Variants in BCAS3 observed in about 807,000 individuals in gnomAD.
BCAS3 encodes BCAS3 microtubule associated cell migration factor.
In BCAS3, 53 loss-of-function variants were observed where a neutral mutation model predicts 116.1. The observed-to-expected ratio is 0.46, with a 90% CI of 0.37 to 0.57. The LOEUF is 0.57. Ranked by LOEUF, BCAS3 falls within the 20% of genes least tolerant of loss-of-function variation. The pLI is 0.00. For synonymous variants in BCAS3, 391 were observed against 408.2 expected (o/e 0.96, Z 0.51); for missense variants, 917 against 1,165.4 (o/e 0.79, Z 3.10).
At position 61,364,656 on chromosome 17, in the gene BCAS3, C is replaced by T. The variant is rs1212773004; in HGVS notation, c.2426-3671C>T. On this transcript the variant is annotated intron_variant, in intron 22 of 23. Transcript: ENST00000407086. This position sits in a 1 kb window ranked among gnomAD's most constrained non-coding sequence, Gnocchi z 5.4. The stretch of plus-strand genomic sequence containing the variant: ...CCAGGAGGCTGTGGCTGCAGTGAGC[C>T]GTGATTGCACCACTGCACTTTGGTC... Among the ~76,000 whole-genome samples, 4 of 152,110 alleles carry T rather than the reference C, an allele frequency of 2.6e-5. No homozygotes were observed. Among genetic ancestry groups the T allele is most frequent in the East Asian group, 3.9e-4 (2 of 5,188 alleles).
chr17:60,912,889 AT>A (rs1215699092), intron 12 of BCAS3, among the ~76,000 whole-genome samples: 2 of 152,040 alleles, frequency 1.3e-5, no homozygotes, highest in Non-Finnish European at 2.9e-5. Flanking sequence ...TGATGGAGAG[AT>A]TTGGGATTAT....
rs2058770674 is a variant in BCAS3 at position 61,366,958 on chromosome 17, G to A, written c.2426-1369G>A. On this transcript the variant is annotated intron_variant, in intron 22 of 23. Coordinates refer to ENST00000407086, the MANE Select transcript of BCAS3 (RefSeq NM_017679.5). The surrounding 1 kb of genome is among the most constrained non-coding windows in gnomAD (Gnocchi z 4.5). ...TTGCTGATGTATGGAGTCACCGGCT[G>A]TCGGAGTGTTTACTAACGGTTATCA... 1.3e-5 allele frequency among the ~76,000 whole-genome samples: 2 copies of A among 152,224 alleles called. No individual in the cohort carries two copies. Among genetic ancestry groups the A allele is most frequent in the Non-Finnish European group, 2.9e-5 (2 of 68,046 alleles).
chr17:60,864,744 C>T (rs1041635426), intron 7 of BCAS3, among the ~76,000 whole-genome samples: 3 of 152,098 alleles, frequency 2.0e-5, no homozygotes, highest in East Asian at 1.9e-4. Flanking sequence ...GCTTTCAGTA[C>T]GTCTTCCTTG....
In BCAS3 at chr17:61,171,161, G is replaced by T. The variant is rs368653550; in HGVS notation, c.2425+86597G>T. Reference sequence around the variant, plus strand: ...AGTCGCTTATAATCAGTGATAAAGAGAAAAATGTTGTAAGGTTCTTACACT... The same window carrying T: ...AGTCGCTTATAATCAGTGATAAAGATAAAAATGTTGTAAGGTTCTTACACT... On this transcript the variant is annotated intron_variant, in intron 22 of 23. Coordinates refer to ENST00000407086, the MANE Select transcript of BCAS3 (RefSeq NM_017679.5). This position sits in a 1 kb window ranked among gnomAD's most constrained non-coding sequence, Gnocchi z 4.1. 2.0e-5 allele frequency among the ~76,000 whole-genome samples: 3 copies of T among 152,124 alleles called. No homozygotes were observed. The East Asian group carries it at 5.8e-4, about 29-fold the overall frequency.
chr17:60,820,576 T>C (rs1188470915), intron 7 of BCAS3, among the ~76,000 whole-genome samples: 2 of 152,158 alleles, frequency 1.3e-5, no homozygotes, highest in African/African-American at 4.8e-5. Flanking sequence ...TTGGTGAAAA[T>C]GTATGCAACA....
rs1328943450 is a variant in BCAS3 at position 61,087,799 on chromosome 17, G to A, written c.2425+3235G>A. On this transcript the variant is annotated intron_variant, in intron 22 of 23. Coordinates refer to ENST00000407086, the MANE Select transcript of BCAS3 (RefSeq NM_017679.5). This position sits in a 1 kb window ranked among gnomAD's most constrained non-coding sequence, Gnocchi z 4.6. ...TGTCTCTCTGTAAAATACATATAGA[G>A]TATTTTTGATTTTCAGCAGTTCTAT... Among the ~76,000 whole-genome samples, 1 of 152,122 alleles carries A rather than the reference G, an allele frequency of 6.6e-6. No individual in the cohort carries two copies. The highest frequency in any genetic ancestry group is 1.5e-5 in the Non-Finnish European group (1 of 68,026).
At chr17:60,765,807 CCTGTCG>C (rs1287444522) in intron 6 of BCAS3, among the ~76,000 whole-genome samples, 3 of 152,128 alleles carry the variant, frequency 2.0e-5, no homozygotes, top group African/African-American at 7.2e-5. Flanking sequence ...GTTCCATTCT[CCTGTCG>C]CTTTCAGATA....
intron 10 of BCAS3, chr17:60,891,653 T>C (rs1431850201): frequency 6.6e-6 from 3 of 455,536 alleles, no homozygotes; most frequent in Non-Finnish European, 1.3e-5. Flanking sequence ...AAGCCGTATA[T>C]CTTTGTTTAG....
intron 15 of BCAS3, among the ~76,000 whole-genome samples, chr17:61,002,363 AT>A (rs1401315884): frequency 6.6e-6 from 1 of 151,928 alleles, no homozygotes; most frequent in Non-Finnish European, 1.5e-5. Flanking sequence ...TTGTGGAAAT[AT>A]TTTTTCTTTT....
chr17:60,943,386 A>G (rs1453485532), intron 13 of BCAS3, among the ~76,000 whole-genome samples: 2 of 152,136 alleles, frequency 1.3e-5, no homozygotes, highest in Non-Finnish European at 2.9e-5. Context: ...GAGTAGAAGA[A>G]TGGAAAATAT....
chr17:60,735,454 G>T (rs947389142), intron 5 of BCAS3, among the ~76,000 whole-genome samples: 54 of 150,794 alleles, frequency 3.6e-4, no homozygotes, highest in South Asian at 8.3e-4. Context: ...TTATTTTATT[G>T]TATTTTATTT....
Position 60,767,663 on chromosome 17 carries a change from T to G in BCAS3, c.403+20384T>G, listed in dbSNP as rs558283533. On this transcript the variant is annotated intron_variant, in intron 6 of 23. Transcript: ENST00000407086. ...TGCCCAGCCATGAATCTTTTTTTAT[T>G]GGACTCTGTTGCTGGAAAATTATTG... Among the ~76,000 whole-genome samples, 10 of 152,312 alleles carry G rather than the reference T, an allele frequency of 6.6e-5. No homozygotes were observed. The East Asian group carries it at 1.9e-3, about 29-fold the overall frequency.
At chr17:60,892,655 T>C (rs1361163831) in intron 10 of BCAS3, among the ~76,000 whole-genome samples, 3 of 148,830 alleles carry the variant, frequency 2.0e-5, no homozygotes, top group Non-Finnish European at 4.5e-5. Flanking sequence ...GCATGGTGGC[T>C]CATGCCTATA....
At position 61,066,540 on chromosome 17, in the gene BCAS3, A is replaced by G. The variant is rs184550832; in HGVS notation, c.2030-8380A>G. Among the ~76,000 whole-genome samples, 11 of 152,220 alleles carry G rather than the reference A, an allele frequency of 7.2e-5. No homozygotes were observed. In the East Asian group the frequency reaches 1.5e-3, roughly 21 times the overall value. ...TATAAACTTCATTTTTACAAGGTCT[A>G]ATTTTTTTCCTGAGTATCTTAAACC... is the stretch of plus-strand genomic sequence containing the variant. On this transcript the variant is annotated intron_variant, in intron 19 of 23. Transcript: ENST00000407086.
Position 61,189,415 on chromosome 17 carries a change from A to G in BCAS3, c.2425+104851A>G, listed in dbSNP as rs1444396994. 6.6e-6 allele frequency among the ~76,000 whole-genome samples: 1 copy of G among 152,226 alleles called. No homozygotes were observed. Among genetic ancestry groups the G allele is most frequent in the Admixed American group, 6.5e-5 (1 of 15,280 alleles). On this transcript the variant is annotated intron_variant, in intron 22 of 23. Coordinates refer to ENST00000407086, the MANE Select transcript of BCAS3 (RefSeq NM_017679.5). This position sits in a 1 kb window ranked among gnomAD's most constrained non-coding sequence, Gnocchi z 4.5. Reference sequence around the variant, plus strand: ...ATTAATCCAGAGCAGTGTGTATTTTAGTTAAGGAACTTGGACTTATATCCT... The same window carrying G: ...ATTAATCCAGAGCAGTGTGTATTTTGGTTAAGGAACTTGGACTTATATCCT...
intron 7 of BCAS3, among the ~76,000 whole-genome samples, chr17:60,813,189 T>C (rs2048996821): frequency 2.0e-5 from 3 of 152,060 alleles, no homozygotes; most frequent in Admixed American, 6.6e-5. Flanking sequence ...CATTCCTCTA[T>C]ACATACACAG....
intron 22 of BCAS3, among the ~76,000 whole-genome samples, chr17:61,212,558 A>AT (rs113240771): frequency 0.016 from 2,324 of 147,260 alleles, 30 homozygotes; most frequent in African/African-American, 0.035. Flanking sequence ...ATATATATAT[A>AT]AAAACTATAT....
chr17:60,919,053 T>A (rs1389614012), intron 12 of BCAS3, among the ~76,000 whole-genome samples: 7 of 152,196 alleles, frequency 4.6e-5, no homozygotes, highest in Admixed American at 6.5e-5. Flanking sequence ...GTTTGGTTCT[T>A]TCTTATGAGA....
chr17:60,921,213 G>A (rs1044446534), intron 12 of BCAS3, among the ~76,000 whole-genome samples: 3 of 152,126 alleles, frequency 2.0e-5, no homozygotes, highest in African/African-American at 7.2e-5. Context: ...CATCACCATG[G>A]AATACTACAC....
Sources: allele counts gnomAD v4.1 joint callset (sites outside exome capture counted in the v4.1 genomes callset), GRCh38; gene constraint gnomAD v4.1.1; non-coding constraint Gnocchi (gnomAD v3.1); transcripts MANE v1.5; gene names NCBI Gene and HGNC (gene_info 2026-07-23, HGNC 2026-07-21).